Variants in SYT2 observed in about 807,000 individuals in gnomAD.
SYT2 encodes the protein synaptotagmin-2.
A neutral mutation model predicts 39.9 loss-of-function variants in SYT2; 15 were observed. The observed-to-expected ratio is 0.38, with a 90% CI of 0.25 to 0.58. The LOEUF is 0.58. SYT2 is among the 20% of genes least tolerant of loss of function. The probability of loss-of-function intolerance (pLI) is 0.70; values close to 1 mark genes in which losing one functional copy is unlikely to be tolerated. For missense variants in SYT2, 389 were observed against 530.3 expected (o/e 0.73, Z 2.62); for synonymous variants, 181 against 204.5 (o/e 0.89, Z 0.98).
intron 1 of SYT2, among the ~76,000 whole-genome samples, chr1:202,671,569 C>T (rs536774567): frequency 6.6e-6 from 1 of 152,358 alleles, no homozygotes; most frequent in African/African-American, 2.4e-5. Context: ...GCATTTGTCC[C>T]TCAGGAGGAA....
At chr1:202,656,303 A>G (rs1692276467) in intron 1 of SYT2, among the ~76,000 whole-genome samples, 1 of 152,252 alleles carries the variant, frequency 6.6e-6, no homozygotes. Flanking sequence ...CAAGGTAAAC[A>G]GAAATTTCCC....
intron 3 of SYT2, among the ~76,000 whole-genome samples, chr1:202,603,829 T>C (rs1451940789): frequency 6.6e-6 from 1 of 152,250 alleles, no homozygotes; most frequent in East Asian, 1.9e-4. Context: ...GATCAAGCCC[T>C]TCCCTCCATC....
Position 202,657,829 on chromosome 1 carries a change from T to G in SYT2, c.-17-52040A>C, listed in dbSNP as rs1692305840. On this transcript the variant is annotated intron_variant, in intron 1 of 8. Transcript: ENST00000367268. ...GAGGGCTACAGCGGGGTCAGGGCCCTGCGGAGAGCTCAGGGTATGTTTGGT... is the reference window on the plus strand; with the variant it reads ...GAGGGCTACAGCGGGGTCAGGGCCCGGCGGAGAGCTCAGGGTATGTTTGGT... Among the ~76,000 whole-genome samples, 4 of 152,154 alleles carry G rather than the reference T, an allele frequency of 2.6e-5. No individual in the cohort carries two copies. The South Asian group carries it at 8.3e-4, about 32-fold the overall frequency.
intron 1 of SYT2, among the ~76,000 whole-genome samples, chr1:202,636,950 T>C (rs936619191): frequency 2.0e-5 from 3 of 152,224 alleles, no homozygotes; most frequent in Non-Finnish European, 4.4e-5. Flanking sequence ...AGCCCTAGCA[T>C]CTGAGGTTTA....
intron 1 of SYT2, among the ~76,000 whole-genome samples, chr1:202,610,310 T>G (rs2149076020): frequency 6.6e-6 from 1 of 152,264 alleles, no homozygotes; most frequent in East Asian, 1.9e-4. Context: ...TAGTTTGAAG[T>G]CAGGTACTGT....
intron 1 of SYT2, among the ~76,000 whole-genome samples, chr1:202,613,068 CTTTTTTTTT>C (rs146069389): frequency 3.3e-4 from 25 of 75,110 alleles, no homozygotes; most frequent in African/African-American, 1.5e-3. Context: ...TTGGTTCTTC[CTTTTTTTTT>C]TTTTTTTTTT....
At chr1:202,659,775 C>G (rs575935696) in intron 1 of SYT2, among the ~76,000 whole-genome samples, 1 of 152,122 alleles carries the variant, frequency 6.6e-6, no homozygotes, top group African/African-American at 2.4e-5. Flanking sequence ...AGGGCATAGC[C>G]GAGCCAATCT....
intron 1 of SYT2, among the ~76,000 whole-genome samples, chr1:202,682,286 C>G (rs981019936): frequency 6.6e-6 from 1 of 152,172 alleles, no homozygotes; most frequent in African/African-American, 2.4e-5. Context: ...TGCATGACTT[C>G]TGACTGCCCC....
At chr1:202,687,614 T>C (rs1204552604) in intron 1 of SYT2, among the ~76,000 whole-genome samples, 4 of 138,760 alleles carry the variant, frequency 2.9e-5, no homozygotes, top group Non-Finnish European at 3.0e-5. Context: ...TACAATGAGC[T>C]GAGGTTGCGC....
intron 1 of SYT2, among the ~76,000 whole-genome samples, chr1:202,638,462 C>T (rs1281611006): frequency 6.6e-6 from 1 of 152,220 alleles, no homozygotes; most frequent in Non-Finnish European, 1.5e-5. Context: ...GCCTGAGAGA[C>T]CCGCTCAATG....
At chr1:202,648,668 C>T (rs193024443) in intron 1 of SYT2, among the ~76,000 whole-genome samples, 1 of 152,304 alleles carries the variant, frequency 6.6e-6, no homozygotes, top group Admixed American at 6.5e-5. Context: ...TATGGATTTG[C>T]ATCCACTGGG....
intron 1 of SYT2, among the ~76,000 whole-genome samples, chr1:202,689,228 A>G (rs1653758127): frequency 6.6e-6 from 1 of 152,188 alleles, no homozygotes; most frequent in East Asian, 1.9e-4. Flanking sequence ...ACCCCTGAGC[A>G]TACATATTGA....
intron 1 of SYT2, among the ~76,000 whole-genome samples, chr1:202,707,306 G>T (rs576300134): frequency 5.3e-5 from 8 of 152,140 alleles, no homozygotes; most frequent in Non-Finnish European, 1.2e-4. Context: ...GCAGCCCTGG[G>T]ATTTGAACCC....
chr1:202,602,214 G>A (rs1572611526), intron 5 of SYT2, among the ~76,000 whole-genome samples, 157 bp from the exon 6 acceptor site: 1 of 152,012 alleles, frequency 6.6e-6, no homozygotes, highest in Non-Finnish European at 1.5e-5. Context: ...TGAGGGTGGG[G>A]TGGGAGGGAT....
intron 1 of SYT2, chr1:202,639,965 A>G (rs1429694687): frequency 3.0e-6 from 1 of 332,716 alleles, no homozygotes; most frequent in Non-Finnish European, 4.3e-6. Flanking sequence ...TCAATAACAC[A>G]CTACAGACTT....
intron 1 of SYT2, among the ~76,000 whole-genome samples, chr1:202,705,830 T>C (rs2102179988): frequency 6.6e-6 from 1 of 152,080 alleles, no homozygotes; most frequent in East Asian, 1.9e-4. Flanking sequence ...ATCCTCCTGC[T>C]TAACCTGGTG....
chr1:202,605,724 T>C lies in SYT2; in HGVS notation c.49A>G (p.Thr17Ala), dbSNP rs75160100. 1 of 1,613,820 alleles carries C rather than the reference T, an allele frequency of 6.2e-7. No individual in the cohort carries two copies. Among genetic ancestry groups the C allele is most frequent in the East Asian group, 2.2e-5 (1 of 44,866 alleles). ...CCAATGGGCATCGTGGCGGTGGTGG[T>C]GGCAGGAGCCACAATAGGCTCCTGG... The part of the protein sequence containing the change: ...RNQEPIVAPA[T>A]TTATMPIGPV... Residue 17 changes from threonine (T) to alanine (A), a missense_variant, in exon 2 of 9, where the codon ACC (threonine) becomes GCC (alanine). By Grantham distance (58) the Thr-to-Ala change is moderately conservative. Coordinates refer to ENST00000367268, the MANE Select transcript of SYT2 (RefSeq NM_177402.5).
intron 1 of SYT2, among the ~76,000 whole-genome samples, chr1:202,611,169 T>G (rs1261162925): frequency 1.3e-5 from 2 of 152,250 alleles, no homozygotes; most frequent in East Asian, 3.8e-4. Flanking sequence ...TATGGGCCAT[T>G]TGTATATCTT....
intron 1 of SYT2, among the ~76,000 whole-genome samples, chr1:202,651,164 C>T (rs558698578): frequency 3.3e-5 from 5 of 151,852 alleles, no homozygotes; most frequent in Admixed American, 6.6e-5. Flanking sequence ...AAAGCCAATA[C>T]CAGTCTACAC....
Sources: gnomAD v4.1 joint callset for allele counts (sites outside exome capture counted in the v4.1 genomes callset) on GRCh38, gnomAD v4.1.1 for gene constraint, MANE v1.5 for transcripts, NCBI Gene and HGNC (gene_info 2026-07-23, HGNC 2026-07-21) for gene names.